ZNF782: variants seen among roughly 807,000 people sequenced by gnomAD.
ZNF782 encodes the protein zinc finger protein 782.
A neutral mutation model predicts 13.0 loss-of-function variants in ZNF782; 12 were observed. The ratio of observed to expected loss-of-function variants is 0.92; its 90% confidence interval spans 0.59 to 1.50. The LOEUF is 1.50. Among genes scored for constraint, ZNF782 ranks in the 40% most tolerant of loss-of-function variants. The probability of loss-of-function intolerance (pLI) is 0.00; values close to 1 mark genes in which losing one functional copy is unlikely to be tolerated. For missense variants in ZNF782, 770 were observed against 822.9 expected (o/e 0.94, Z 0.79); for synonymous variants, 284 against 283.0 (o/e 1.00, Z -0.04).
the ZNF782 span, among the ~76,000 whole-genome samples, chr9:96,924,857 T>C: frequency 7.4e-3 from 1,118 of 151,260 alleles, 13 homozygotes; most frequent in Middle Eastern, 0.014. Context: ...CAAGGCCAGG[T>C]GAGCAAGGGA....
intron 5 of ZNF782, among the ~76,000 whole-genome samples, chr9:96,826,065 C>T (rs1195550040): frequency 6.6e-6 from 1 of 152,146 alleles, no homozygotes; most frequent in East Asian, 1.9e-4. Flanking sequence ...ACCCAAAGGA[C>T]TATAAATCAT....
At chr9:96,882,121 T>C in the ZNF782 span, among the ~76,000 whole-genome samples, 1 of 152,012 alleles carries the variant, frequency 6.6e-6, no homozygotes, top group Admixed American at 6.6e-5. Context: ...CTATTTAATA[T>C]TTATATAGAT....
At chr9:96,894,848 C>G in the ZNF782 span, 2 of 152,258 alleles carry the variant, frequency 1.3e-5, no homozygotes, top group Admixed American at 1.3e-4. Context: ...CTGCCTCAGC[C>G]TCCTGAGTAG....
At chr9:96,873,379 G>A (rs1851850662) in intron 1 of ZNF782, among the ~76,000 whole-genome samples, 1 of 152,126 alleles carries the variant, frequency 6.6e-6, no homozygotes, top group Non-Finnish European at 1.5e-5. Context: ...TTGGGAGAGG[G>A]GCACTGGACA....
intron 4 of ZNF782, among the ~76,000 whole-genome samples, chr9:96,829,281 ATTCTT>A (rs1455528280): frequency 4.6e-5 from 7 of 152,084 alleles, no homozygotes; most frequent in Admixed American, 2.0e-4. Flanking sequence ...CATTCTTGGA[ATTCTT>A]TTCTTTAAAT....
intron 5 of ZNF782, among the ~76,000 whole-genome samples, chr9:96,820,952 G>A (rs1404000785): frequency 1.3e-5 from 2 of 152,112 alleles, no homozygotes; most frequent in Admixed American, 6.5e-5. Context: ...CCTTAATTCT[G>A]CTTTCAATCT....
At chr9:96,879,175 T>G (rs12337234), upstream of ZNF782, among the ~76,000 whole-genome samples, 284 of 152,318 alleles carry the variant, frequency 1.9e-3, no homozygotes, top group African/African-American at 6.3e-3. Context: ...CACTTTGGCA[T>G]AGTCAATTGT....
the ZNF782 span, chr9:96,932,509 T>C: frequency 9.0e-6 from 11 of 1,215,974 alleles, no homozygotes; most frequent in African/African-American, 3.0e-5. Context: ...TCAGGGGAGC[T>C]TGCAGGGCGG....
chr9:96,868,372 G>A (rs965216206), intron 1 of ZNF782, among the ~76,000 whole-genome samples: 2 of 152,148 alleles, frequency 1.3e-5, no homozygotes. Flanking sequence ...ATAGGTCTTG[G>A]AGCAAATATC....
chr9:96,884,655 A>G, the ZNF782 span, among the ~76,000 whole-genome samples: 1 of 152,136 alleles, frequency 6.6e-6, no homozygotes, highest in Non-Finnish European at 1.5e-5. Context: ...TCCCACTTTG[A>G]CCAGGAAGAT....
chr9:96,860,223 C>G (rs938226840), intron 3 of ZNF782: 4 of 152,252 alleles, frequency 2.6e-5, no homozygotes, highest in Non-Finnish European at 5.9e-5. Context: ...AGGACAGAAG[C>G]CTGGCTGGCT....
intron 5 of ZNF782, among the ~76,000 whole-genome samples, chr9:96,821,368 T>C (rs990764457): frequency 7.2e-5 from 11 of 152,234 alleles, no homozygotes; most frequent in African/African-American, 1.4e-4. Context: ...GCCTTAGACC[T>C]ATGTAGACTC....
Position 96,818,027 on chromosome 9 carries a change from T to C in ZNF782, c.1996A>G (p.Arg666Gly), listed in dbSNP as rs769534285. 2 of 1,614,144 alleles carry C rather than the reference T, an allele frequency of 1.2e-6. No homozygotes were observed. Among genetic ancestry groups the C allele is most frequent in the African/African-American group, 2.7e-5 (2 of 75,050 alleles). ...TAGGGTTTCTCCCCTGTGTGAGTTC[T>C]CTGATGTACTCTGAGATTGGATTTC... ...SQKSNLRVHQ[R>G]THTGEKPYKC... is the part of the protein sequence containing the mutation. Residue 666 changes from arginine to glycine, a missense_variant, in exon 6 of 6, where the codon AGA (arginine) becomes GGA (glycine). By Grantham distance (125) the Arg-to-Gly change is moderately radical. Coordinates refer to ENST00000481138, the MANE Select transcript of ZNF782 (RefSeq NM_001001662.3).
At chr9:96,912,198 G>GAA in the ZNF782 span, among the ~76,000 whole-genome samples, 138 of 56,564 alleles carry the variant, frequency 2.4e-3, no homozygotes, top group African/African-American at 7.1e-3. Flanking sequence ...ACTCCGTCTC[G>GAA]AAAAAAAAAA....
At chr9:96,879,366 G>C, upstream of ZNF782, among the ~76,000 whole-genome samples, 1 of 152,194 alleles carries the variant, frequency 6.6e-6, no homozygotes, top group East Asian at 1.9e-4. Flanking sequence ...AGCCGTGCCT[G>C]GTGGCGGGCG....
the ZNF782 span, among the ~76,000 whole-genome samples, chr9:96,912,830 T>C: frequency 6.6e-6 from 1 of 151,756 alleles, no homozygotes; most frequent in African/African-American, 2.4e-5. Context: ...CCCGGCCTTT[T>C]TTTTCCGTTT....
the ZNF782 span, among the ~76,000 whole-genome samples, chr9:96,920,508 C>T: frequency 1.0e-4 from 15 of 148,170 alleles, no homozygotes; most frequent in African/African-American, 2.7e-4. Flanking sequence ...CCTCATGATC[C>T]GCCCGCCTCG....
chr9:96,913,513 CT>C, the ZNF782 span, among the ~76,000 whole-genome samples: 11 of 146,118 alleles, frequency 7.5e-5, no homozygotes, highest in East Asian at 2.0e-4. Flanking sequence ...AAACATTAAG[CT>C]TTTTTTTTTG....
At chr9:96,879,823 A>T (rs571821232), upstream of ZNF782, among the ~76,000 whole-genome samples, 1 of 152,244 alleles carries the variant, frequency 6.6e-6, no homozygotes, top group Admixed American at 6.5e-5. Context: ...TTATGTGTTG[A>T]CTTTGCATTC....
Sources: gnomAD v4.1 joint callset for allele counts (sites outside exome capture counted in the v4.1 genomes callset) on GRCh38, gnomAD v4.1.1 for gene constraint, MANE v1.5 for transcripts, NCBI Gene and HGNC (gene_info 2026-07-23, HGNC 2026-07-21) for gene names.